LTBP1: variants seen among roughly 807,000 people sequenced by gnomAD.
LTBP1 encodes latent-transforming growth factor beta-binding protein 1.
A neutral mutation model predicts 207.6 loss-of-function variants in LTBP1; 129 were observed. The ratio of observed to expected loss-of-function variants is 0.62; its 90% CI spans 0.54 to 0.72. LTBP1 has a LOEUF of 0.72. Ranked by LOEUF, LTBP1 falls within the 30% of genes least tolerant of loss-of-function variation. The pLI is 0.00. For synonymous variants in LTBP1, 963 were observed against 833.7 expected (o/e 1.16, Z -2.67); for missense variants, 2,281 against 2,217.2 (o/e 1.03, Z -0.58).
chr2:33,167,567 G>A (rs78980378), intron 5 of LTBP1, among the ~76,000 whole-genome samples: 2,262 of 152,344 alleles, frequency 0.015, 23 homozygotes, highest in East Asian at 0.027. Flanking sequence ...TGCTTTAAGA[G>A]CATGTGGCAG....
At chr2:33,142,801 G>C (rs569276447) in intron 5 of LTBP1, among the ~76,000 whole-genome samples, 5 of 152,338 alleles carry the variant, frequency 3.3e-5, no homozygotes, top group Admixed American at 3.3e-4. Context: ...TTCCTGGCCT[G>C]TATCTTGGGA....
intron 30 of LTBP1, 30 bp from the exon 31 acceptor site, chr2:33,365,302 GA>G (rs2150103072): frequency 6.2e-7 from 1 of 1,605,036 alleles, no homozygotes; most frequent in African/African-American, 1.3e-5. Flanking sequence ...ATAACTGTGC[GA>G]TTTTCATGGA....
In LTBP1 at chr2:33,309,535, G is replaced by A; in HGVS notation, c.3583G>A (p.Asp1195Asn). The A allele has an allele frequency of 6.2e-7, 1 of 1,607,830 alleles. No individual in the cohort carries two copies. Among genetic ancestry groups the A allele is most frequent in the Non-Finnish European group, 8.5e-7 (1 of 1,178,060 alleles). The change falls in exon 23 of 34, where the codon GAT (aspartate) becomes AAT (asparagine). Residue 1195 changes from aspartate to asparagine, a missense_variant. Asp to Asn is a conservative substitution (Grantham distance 23). Transcript: ENST00000404816. ...DCTCPDGFQL[D>N]DNKTCQDINE... is the part of the protein sequence containing the mutation. Reference sequence around the variant, plus strand: ...TACTTGTCCGGATGGATTTCAGCTAGATGACAATAAAACATGTCAAGGTAT... The same window carrying A: ...TACTTGTCCGGATGGATTTCAGCTAAATGACAATAAAACATGTCAAGGTAT...
intron 2 of LTBP1, among the ~76,000 whole-genome samples, chr2:32,971,038 G>C (rs1680790444): frequency 7.3e-6 from 1 of 136,622 alleles, no homozygotes; most frequent in Non-Finnish European, 1.6e-5. Context: ...GTGTGTGTGT[G>C]TGTGTCTGTC....
At chr2:33,269,890 G>T (rs1486203400) in intron 15 of LTBP1, among the ~76,000 whole-genome samples, 1 of 151,964 alleles carries the variant, frequency 6.6e-6, no homozygotes, top group Non-Finnish European at 1.5e-5. Flanking sequence ...AAACACAGGG[G>T]AGATATGAGG....
chr2:33,304,738 T>C (rs1013394649), intron 22 of LTBP1, among the ~76,000 whole-genome samples: 4 of 152,224 alleles, frequency 2.6e-5, no homozygotes, highest in Middle Eastern at 3.2e-3. Flanking sequence ...TGCAGTCCTT[T>C]ACAAAGCTGA....
rs189649401 is a variant in LTBP1 at position 33,008,859 on chromosome 2, G to A, written c.566-12050G>A. On this transcript the variant is annotated intron_variant, in intron 2 of 33. Coordinates refer to ENST00000404816, the MANE Select transcript of LTBP1 (RefSeq NM_206943.4). The stretch of plus-strand genomic sequence containing the variant: ...GGTTTTAGGAAGGGAGCCTGTGACT[G>A]TCTGGTGAAGGACATGACAGGTGGG... Among the ~76,000 whole-genome samples the A allele has an allele frequency of 1.1e-3, 169 of 152,342 alleles. 3 individuals carry two copies. Among genetic ancestry groups the A allele is most frequent in the Admixed American group, 0.011 (166 of 15,306 alleles).
chr2:32,965,308 C>T (rs958196236), intron 2 of LTBP1, among the ~76,000 whole-genome samples: 2 of 152,194 alleles, frequency 1.3e-5, no homozygotes, highest in Non-Finnish European at 1.5e-5. Flanking sequence ...TGTCCCTGTC[C>T]TGTTACAATC....
intron 26 of LTBP1, among the ~76,000 whole-genome samples, chr2:33,351,831 G>T (rs551972427): frequency 6.6e-6 from 1 of 152,166 alleles, no homozygotes; most frequent in African/African-American, 2.4e-5. Context: ...CTCATTCTCA[G>T]GTTCTTCTTC....
intron 20 of LTBP1, among the ~76,000 whole-genome samples, chr2:33,299,531 C>T (rs2093944225): frequency 6.6e-6 from 1 of 152,172 alleles, no homozygotes; most frequent in Admixed American, 6.6e-5. Flanking sequence ...ATCTTCACAA[C>T]AAACCTGTCA....
chr2:33,324,400 A>ATG (rs1487232286), intron 24 of LTBP1, among the ~76,000 whole-genome samples: 1 of 151,926 alleles, frequency 6.6e-6, no homozygotes, highest in Non-Finnish European at 1.5e-5. Flanking sequence ...GTATGTATGT[A>ATG]TGTATATATA....
intron 5 of LTBP1, among the ~76,000 whole-genome samples, chr2:33,169,778 T>G (rs1168870306): frequency 6.6e-6 from 1 of 151,974 alleles, no homozygotes; most frequent in Non-Finnish European, 1.5e-5. Flanking sequence ...AACACGAGAG[T>G]AATTTAAAAA....
chr2:32,951,633 C>G (rs1468238533), intron 2 of LTBP1, among the ~76,000 whole-genome samples: 1 of 152,168 alleles, frequency 6.6e-6, no homozygotes, highest in Non-Finnish European at 1.5e-5. Flanking sequence ...CTTGACCTGT[C>G]TGGCCTGTAT....
chr2:33,087,845 A>T (rs1558619805), intron 3 of LTBP1, among the ~76,000 whole-genome samples: 1 of 152,212 alleles, frequency 6.6e-6, no homozygotes, highest in Non-Finnish European at 1.5e-5. Flanking sequence ...TCATGTTCTA[A>T]TTACTATTTT....
chr2:33,377,328 T>G (rs1188598605), intron 31 of LTBP1, among the ~76,000 whole-genome samples: 1 of 152,180 alleles, frequency 6.6e-6, no homozygotes, highest in African/African-American at 2.4e-5. Flanking sequence ...GAAAGCTGAT[T>G]GAAGCTACTG....
chr2:33,292,549 C>G (rs766080451), intron 19 of LTBP1, among the ~76,000 whole-genome samples: 1 of 152,216 alleles, frequency 6.6e-6, no homozygotes, highest in Non-Finnish European at 1.5e-5. Flanking sequence ...GTAGCAAGTG[C>G]TTGATAAAGA....
chr2:33,134,802 A>C lies in LTBP1; in HGVS notation c.1043A>C (p.His348Pro), dbSNP rs757601101. 1.2e-6 allele frequency: 2 copies of C among 1,613,956 alleles called. No homozygotes were observed. The highest frequency in any genetic ancestry group is 2.2e-5 in the South Asian group (2 of 91,054). Reference sequence around the variant, plus strand: ...CTGCCTCCGCTCCTAGTGAGTAACCACACTGGCCGCATCAAGGTGGTCTTT... The same window carrying C: ...CTGCCTCCGCTCCTAGTGAGTAACCCCACTGGCCGCATCAAGGTGGTCTTT... ...QVAAPFQLSNHTGRIKVVFTP... is the reference protein window; with the variant it reads ...QVAAPFQLSNPTGRIKVVFTP... The change falls in exon 5 of 34, where the codon CAC becomes CCC. Residue 348 changes from histidine to proline, a missense_variant. Physicochemically the swap from His to Pro is moderately conservative, Grantham distance 77. Coordinates refer to ENST00000404816, the MANE Select transcript of LTBP1 (RefSeq NM_206943.4). The surrounding 1 kb of genome is among the most constrained non-coding windows in gnomAD (Gnocchi z 4.4).
At chr2:33,397,552 G>T (rs141688473) in intron 33 of LTBP1, among the ~76,000 whole-genome samples, 1,514 of 122,722 alleles carry the variant, frequency 0.012, 22 homozygotes, top group African/African-American at 0.046. Context: ...TTGTCGCCCA[G>T]GCTGGAGTGC....
rs1676308923 is a variant in LTBP1 at position 32,947,261 on chromosome 2, G to A, written c.-64G>A. ...GGAGCCCGAACGCGCGGGGAAAGGC[G>A]AGCCGCACGGCCGGGGGAGGGGGCC... On this transcript the variant is annotated 5_prime_UTR_variant, in exon 1 of 34. Coordinates refer to ENST00000404816, the MANE Select transcript of LTBP1 (RefSeq NM_206943.4). 4 of 1,170,294 alleles carry A rather than the reference G, an allele frequency of 3.4e-6. No individual in the cohort carries two copies. The highest frequency in any genetic ancestry group is 4.3e-6 in the Non-Finnish European group (4 of 939,076). The allele number at this position is 1,170,294 out of a possible 1,614,324, so 72.5% of individuals were successfully genotyped here.
Sources: allele counts gnomAD v4.1 joint callset (sites outside exome capture counted in the v4.1 genomes callset), GRCh38; gene constraint gnomAD v4.1.1; non-coding constraint Gnocchi (gnomAD v3.1); transcripts MANE v1.5; gene names NCBI Gene and HGNC (gene_info 2026-07-23, HGNC 2026-07-21).